The following DYNC2LI1 variants were observed in gnomAD, a reference collection of about 807,000 sequenced individuals.
DYNC2LI1 encodes cytoplasmic dynein 2 light intermediate chain 1.
A neutral mutation model predicts 51.9 loss-of-function variants in DYNC2LI1; 45 were observed. The ratio of observed to expected loss-of-function variants is 0.87; its 90% CI spans 0.68 to 1.11. The LOEUF (loss-of-function observed/expected upper bound fraction) is 1.11, where lower values mean the gene tolerates loss of function less well. DYNC2LI1 is among the 50% of genes most tolerant of loss of function. DYNC2LI1 has a pLI of 0.00. For synonymous variants in DYNC2LI1, 130 were observed against 137.8 expected, an observed-to-expected ratio of 0.94 and a Z score of 0.40; for missense variants, 490 against 417.4, an observed-to-expected ratio of 1.17 and a Z score of -1.51.
At chr2:43,798,660 A>G (rs971348872) in intron 8 of DYNC2LI1, among the ~76,000 whole-genome samples, 2 of 152,230 alleles carry the variant, frequency 1.3e-5, no homozygotes, top group East Asian at 1.9e-4. Flanking sequence ...ACCATGGCCC[A>G]GGAGATCAAA....
chr2:43,775,623 T>G (rs983159432), intron 1 of DYNC2LI1: 9 of 318,658 alleles, frequency 2.8e-5, no homozygotes, highest in Non-Finnish European at 5.4e-5. Flanking sequence ...TCAGCCTCCC[T>G]AGTAGCTGGG....
rs1673533531 is a variant in DYNC2LI1, at chr2:43,786,652, G to A, written c.162-529G>A. 2.6e-5 allele frequency among the ~76,000 whole-genome samples: 4 copies of A among 152,006 alleles called. No individual in the cohort carries two copies. In the South Asian group the frequency reaches 8.3e-4, roughly 31 times the overall value. ...ATCCTGGCTAACGTAGTGAAACCCT[G>A]TCTTTACTAAAAATACAAAAAAAAT... is the stretch of plus-strand genomic sequence containing the variant. On this transcript the variant is annotated intron_variant, in intron 3 of 12. Transcript: ENST00000260605.
At chr2:43,778,028 A>T (rs993795953) in intron 2 of DYNC2LI1, among the ~76,000 whole-genome samples, 4 of 152,180 alleles carry the variant, frequency 2.6e-5, no homozygotes, top group Non-Finnish European at 4.4e-5. Context: ...TTTGTTTTTA[A>T]TTTTTTTATT....
downstream of DYNC2LI1, chr2:43,814,426 T>G: frequency 8.7e-7 from 1 of 1,155,410 alleles, no homozygotes; most frequent in Non-Finnish European, 1.3e-6. Flanking sequence ...TCCAAGAAAT[T>G]GCTTCCTCAG....
At chr2:43,777,185 G>A (rs1375003463) in intron 2 of DYNC2LI1, among the ~76,000 whole-genome samples, 2 of 152,122 alleles carry the variant, frequency 1.3e-5, no homozygotes, top group African/African-American at 4.8e-5. Flanking sequence ...ATCTAAGTCA[G>A]TCTCTAAATC....
chr2:43,782,531 C>T (rs1194055973), intron 2 of DYNC2LI1, among the ~76,000 whole-genome samples: 1 of 141,210 alleles, frequency 7.1e-6, no homozygotes, highest in Non-Finnish European at 1.5e-5. Context: ...TGTTTCCTTG[C>T]AAGGGGTCTT....
chr2:43,810,091 T>G, downstream of DYNC2LI1: 1 of 545,560 alleles, frequency 1.8e-6, no homozygotes, highest in Non-Finnish European at 2.4e-6. Flanking sequence ...GTAAGAGTAT[T>G]TGGTTACAGT....
downstream of DYNC2LI1, chr2:43,812,871 G>A: frequency 1.9e-6 from 1 of 521,236 alleles, no homozygotes; most frequent in South Asian, 2.2e-5. Context: ...TACATTCTTG[G>A]GTCCGCTCAG....
chr2:43,786,471 C>T (rs968234027), intron 3 of DYNC2LI1, among the ~76,000 whole-genome samples: 1 of 152,088 alleles, frequency 6.6e-6, no homozygotes, highest in African/African-American at 2.4e-5. Context: ...CGTGAGCTAC[C>T]ATGCCTGGCC....
chr2:43,784,517 G>A (rs1304010039), intron 3 of DYNC2LI1, among the ~76,000 whole-genome samples: 1 of 151,630 alleles, frequency 6.6e-6, no homozygotes, highest in African/African-American at 2.4e-5. Flanking sequence ...TCGGCTCACT[G>A]CAACCTCCGC....
intron 4 of DYNC2LI1, among the ~76,000 whole-genome samples, chr2:43,787,914 T>G (rs60063097): frequency 1.5e-4 from 23 of 152,278 alleles, no homozygotes; most frequent in African/African-American, 5.3e-4. Flanking sequence ...ATACACTGAC[T>G]TAGTCCAAAT....
downstream of DYNC2LI1, chr2:43,814,388 A>G: frequency 1.2e-6 from 1 of 830,142 alleles, no homozygotes; most frequent in Non-Finnish European, 2.0e-6. Context: ...ATTATAAAAC[A>G]CAGTTTTTAT....
downstream of DYNC2LI1, chr2:43,814,565 A>C (rs1167408784): frequency 6.2e-7 from 1 of 1,602,684 alleles, no homozygotes; most frequent in Non-Finnish European, 8.5e-7. Flanking sequence ...TGATTTTAAA[A>C]GGAATGGGCA....
chr2:43,826,489 G>A, the DYNC2LI1 span: 1 of 1,614,148 alleles, frequency 6.2e-7, no homozygotes, highest in Non-Finnish European at 8.5e-7. Flanking sequence ...ATGCAGTCCA[G>A]GCCTGTGGTT....
chr2:43,826,530 A>G, the DYNC2LI1 span: 17 of 1,614,084 alleles, frequency 1.1e-5, no homozygotes, highest in South Asian at 2.2e-5. Context: ...CTCTGCCAGC[A>G]AAGAAGGGCC....
the DYNC2LI1 span, among the ~76,000 whole-genome samples, chr2:43,820,807 C>T: frequency 6.6e-6 from 1 of 152,112 alleles, no homozygotes; most frequent in African/African-American, 2.4e-5. Context: ...GTGCGCACCA[C>T]CACACCCAGC....
In DYNC2LI1 at chr2:43,791,657, T is replaced by C. The variant is rs183246591; in HGVS notation, c.320+1936T>C. Among the ~76,000 whole-genome samples, 25 of 152,256 alleles carry C rather than the reference T, an allele frequency of 1.6e-4. No homozygotes were observed. In the East Asian group the frequency reaches 4.6e-3, roughly 28 times the overall value. On this transcript the variant is annotated intron_variant, in intron 5 of 12. Coordinates refer to ENST00000260605, the MANE Select transcript of DYNC2LI1 (RefSeq NM_016008.4). ...CACCATGTCAAAAACACTCAAACTG[T>C]TTTTGACTGGAATTAGTTTGACACA...
chr2:43,781,319 A>G (rs1365119855), intron 2 of DYNC2LI1, among the ~76,000 whole-genome samples: 2 of 151,014 alleles, frequency 1.3e-5, no homozygotes, highest in Non-Finnish European at 2.9e-5. Flanking sequence ...ATGAGCCAAG[A>G]TGGTGCCACT....
chr2:43,792,892 C>T (rs1673857742), intron 5 of DYNC2LI1: 2 of 1,303,120 alleles, frequency 1.5e-6, no homozygotes, highest in Non-Finnish European at 2.0e-6. Flanking sequence ...GTTCAGTTAT[C>T]CGTTAATCCA....
Sources: gnomAD v4.1 joint callset for allele counts (sites outside exome capture counted in the v4.1 genomes callset) on GRCh38, gnomAD v4.1.1 for gene constraint, MANE v1.5 for transcripts, NCBI Gene and HGNC (gene_info 2026-07-23, HGNC 2026-07-21) for gene names.